NFE2L2: variants seen among roughly 807,000 people sequenced by gnomAD.
The protein encoded by NFE2L2 is NFE2 like bZIP transcription factor 2.
In NFE2L2, 20 loss-of-function variants were observed where a neutral mutation model predicts 49.6. The ratio of observed to expected loss-of-function variants is 0.40; its 90% CI spans 0.28 to 0.59. The LOEUF (loss-of-function observed/expected upper bound fraction) is 0.59, where lower values mean the gene tolerates loss of function less well. NFE2L2 is among the 20% of genes least tolerant of loss of function. NFE2L2 has a pLI of 0.40. For missense variants in NFE2L2, 578 were observed against 714.2 expected, an observed-to-expected ratio of 0.81 and a Z score of 2.17; for synonymous variants, 244 against 256.5, an observed-to-expected ratio of 0.95 and a Z score of 0.47.
Position 177,264,668 on chromosome 2 carries a change from C to A in NFE2L2, c.-92G>T. 1 of 1,163,500 alleles carries A rather than the reference C, an allele frequency of 8.6e-7. No homozygotes were observed. Among genetic ancestry groups the A allele is most frequent in the Non-Finnish European group, 1.1e-6 (1 of 912,956 alleles). 72.1% of individuals were successfully genotyped at this position (1,163,500 alleles called of 1,614,324 possible). ...GCGGACAGGGCGGCTCTGGTGGCGGCGGCGGCGGCGGTGGCGGCTGCGTCG... is the reference window on the plus strand; with the variant it reads ...GCGGACAGGGCGGCTCTGGTGGCGGAGGCGGCGGCGGTGGCGGCTGCGTCG... On this transcript the variant is annotated 5_prime_UTR_variant, in exon 1 of 5. Transcript: ENST00000397062.
At chr2:177,244,029 G>A (rs1000781093) in intron 1 of NFE2L2, among the ~76,000 whole-genome samples, 6 of 151,680 alleles carry the variant, frequency 4.0e-5, no homozygotes, top group African/African-American at 9.7e-5. Flanking sequence ...TGCTGGGTGC[G>A]GTGGCTCACG....
chr2:177,231,959 C>T lies in NFE2L2; in HGVS notation c.644G>A (p.Ser215Asn), dbSNP rs774762514. The T allele has an allele frequency of 1.7e-5, 27 of 1,613,690 alleles. No individual in the cohort carries two copies. Among genetic ancestry groups the T allele is most frequent in the Non-Finnish European group, 2.1e-5 (25 of 1,179,842 alleles). ...DKLVETTMVP[S>N]PEAKLTEVDN... ...AACTTCTGTCAGTTTGGCTTCTGGA[C>T]TTGGAACCATGGTAGTCTCAACCAG... is the stretch of plus-strand genomic sequence containing the variant. The change falls in exon 5 of 5, where the codon AGT (serine) becomes AAT (asparagine). Residue 215 changes from serine to asparagine, a missense_variant. Physicochemically the swap from Ser to Asn is conservative, Grantham distance 46. Transcript: ENST00000397062.
chr2:177,252,490 G>A (rs1458325337), intron 1 of NFE2L2, among the ~76,000 whole-genome samples: 1 of 152,218 alleles, frequency 6.6e-6, no homozygotes, highest in Non-Finnish European at 1.5e-5. Flanking sequence ...GCAAGGATCA[G>A]ACTGTTAGAA....
In NFE2L2 at chr2:177,264,519, G is replaced by A; in HGVS notation, c.45+13C>T. 5.2e-6 allele frequency: 8 copies of A among 1,525,008 alleles called. No individual in the cohort carries two copies. The highest frequency in any genetic ancestry group is 2.1e-5 in the Admixed American group (1 of 48,662). The allele number at this position is 1,525,008 out of a possible 1,614,324, so 94.5% of individuals were successfully genotyped here. Reference sequence around the variant, plus strand: ...CCGGCACCACCGCAGGGCCCAGAGGGCCGAGGCAGCACCTGCTGGGACGGG... The same window carrying A: ...CCGGCACCACCGCAGGGCCCAGAGGACCGAGGCAGCACCTGCTGGGACGGG... On this transcript the variant is annotated intron_variant, in intron 1 of 4. Transcript: ENST00000397062.
At chr2:177,235,454 T>TA (rs1269589565) in intron 1 of NFE2L2, among the ~76,000 whole-genome samples, 1 of 151,580 alleles carries the variant, frequency 6.6e-6, no homozygotes, top group Non-Finnish European at 1.5e-5. Context: ...AATAAATAAA[T>TA]AAATAAAACT....
Position 177,231,443 on chromosome 2 carries a change from C to T in NFE2L2, c.1160G>A (p.Ser387Asn), listed in dbSNP as rs201214197. The T allele has an allele frequency of 8.7e-6, 14 of 1,614,256 alleles. No individual in the cohort carries two copies. Among genetic ancestry groups the T allele is most frequent in the Non-Finnish European group, 1.1e-5 (13 of 1,180,028 alleles). ...EVEELDSAPG[S>N]VKQNGPKTPV... ...TGTTTTAGGACCATTCTGTTTGACA[C>T]TTCCAGGGGCACTATCTAGCTCTTC... The change falls in exon 5 of 5, where the codon AGT (serine) becomes AAT (asparagine). Residue 387 changes from serine to asparagine, a missense_variant. Around this residue, in one of 3 missense-constraint regions of NFE2L2, gnomAD observed 368 missense variants for 384.6 expected, o/e 0.96. Coordinates refer to ENST00000397062, the MANE Select transcript of NFE2L2 (RefSeq NM_006164.5).
Position 177,251,041 on chromosome 2 carries a change from A to G in NFE2L2, c.45+13491T>C, listed in dbSNP as rs143650089. 2.8e-4 allele frequency among the ~76,000 whole-genome samples: 43 copies of G among 152,344 alleles called. No individual in the cohort carries two copies. The East Asian group carries it at 8.3e-3, about 29-fold the overall frequency. On this transcript the variant is annotated intron_variant, in intron 1 of 4. Coordinates refer to ENST00000397062, the MANE Select transcript of NFE2L2 (RefSeq NM_006164.5). Reference sequence around the variant, plus strand: ...TGACCATGAGAAGCATCTACCTTTTAGGGTTCTGGGTCTAACCAGTAAATA... The same window carrying G: ...TGACCATGAGAAGCATCTACCTTTTGGGGTTCTGGGTCTAACCAGTAAATA...
At chr2:177,237,466 T>A (rs1297222163) in intron 1 of NFE2L2, among the ~76,000 whole-genome samples, 2 of 152,282 alleles carry the variant, frequency 1.3e-5, no homozygotes, top group Non-Finnish European at 2.9e-5. Context: ...TGGACATGTT[T>A]ACCCAAAGGT....
rs144119724 is a variant in NFE2L2 at position 177,232,109 on chromosome 2, T to A, written c.595-101A>T. On this transcript the variant is annotated intron_variant, in intron 4 of 4. Transcript: ENST00000397062. ...CCTACCCACATTATCTTCAGGCTTATCTCTATAATTTATTATCTATAATTC... is the reference window on the plus strand; with the variant it reads ...CCTACCCACATTATCTTCAGGCTTAACTCTATAATTTATTATCTATAATTC... 226 of 1,151,632 alleles carry A rather than the reference T, an allele frequency of 2.0e-4. No homozygotes were observed. In the East Asian group the frequency reaches 5.2e-3, roughly 26 times the overall value. The allele number at this position is 1,151,632 out of a possible 1,614,324, so 71.3% of individuals were successfully genotyped here.
At chr2:177,244,509 A>C (rs1225446953) in intron 1 of NFE2L2, among the ~76,000 whole-genome samples, 2 of 152,188 alleles carry the variant, frequency 1.3e-5, no homozygotes, top group African/African-American at 4.8e-5. Context: ...AGCAAGTAGA[A>C]GCCCAGGCAG....
At chr2:177,250,827 C>A (rs1690312000) in intron 1 of NFE2L2, among the ~76,000 whole-genome samples, 1 of 152,174 alleles carries the variant, frequency 6.6e-6, no homozygotes, top group African/African-American at 2.4e-5. Flanking sequence ...TAACTGTGGC[C>A]TAGCCACCGA....
chr2:177,230,955 G>T lies in NFE2L2; in HGVS notation c.1648C>A (p.Leu550Ile). ...LKEKGENDKS[L>I]HLLKKQLSTL... is the part of the protein sequence containing the mutation. ...CTGAGTTGTTTTTTCAGTAGGTGAA[G>T]GCTTTTGTCATTTTCTCCTTTTTCT... The change falls in exon 5 of 5, where the codon CTT becomes ATT. Residue 550 changes from leucine to isoleucine, a missense_variant. By Grantham distance (5) the Leu-to-Ile change is conservative. Coordinates refer to ENST00000397062, the MANE Select transcript of NFE2L2 (RefSeq NM_006164.5). 6.2e-7 allele frequency: 1 copy of T among 1,611,228 alleles called. No individual in the cohort carries two copies. The highest frequency in any genetic ancestry group is 8.5e-7 in the Non-Finnish European group (1 of 1,179,386).
chr2:177,263,260 G>A, intron 1 of NFE2L2: 3 of 608,024 alleles, frequency 4.9e-6, no homozygotes, highest in Non-Finnish European at 6.2e-6. Flanking sequence ...AGAAGAGGGG[G>A]AACATGTTAA....
chr2:177,237,379 A>G (rs71421594), intron 1 of NFE2L2, among the ~76,000 whole-genome samples: 54 of 152,250 alleles, frequency 3.5e-4, no homozygotes, highest in Non-Finnish European at 7.1e-4. Flanking sequence ...ATACATGGCT[A>G]TCTTCTCAGG....
Position 177,264,710 on chromosome 2 carries a change from C to A in NFE2L2, c.-134G>T. 1 of 714,930 alleles carries A rather than the reference C, an allele frequency of 1.4e-6. No homozygotes were observed. The highest frequency in any genetic ancestry group is 2.0e-6 in the Non-Finnish European group (1 of 500,242). 44.3% of individuals were successfully genotyped at this position (714,930 alleles called of 1,614,324 possible). A position where few individuals can be genotyped will look rare whatever the true frequency, so the allele number is the denominator to read the frequency against. ...GCTGCGTCGGCGGCTCCTCCGGGCT[C>A]CCCGGCACTCGGTAATCGGCTACAC... On this transcript the variant is annotated 5_prime_UTR_variant, in exon 1 of 5. Coordinates refer to ENST00000397062, the MANE Select transcript of NFE2L2 (RefSeq NM_006164.5).
At chr2:177,237,448 C>G (rs1248276495) in intron 1 of NFE2L2, among the ~76,000 whole-genome samples, 1 of 152,224 alleles carries the variant, frequency 6.6e-6, no homozygotes, top group Non-Finnish European at 1.5e-5. Flanking sequence ...GATTTGTTTC[C>G]ATTCTGATGG....
chr2:177,249,442 T>C (rs879551553), intron 1 of NFE2L2, among the ~76,000 whole-genome samples: 26 of 152,176 alleles, frequency 1.7e-4, no homozygotes, highest in Non-Finnish European at 2.9e-4. Context: ...GGAGCTGGAT[T>C]AGGTGACCCC....
In NFE2L2 at chr2:177,250,463, G is replaced by A. The variant is rs2105481123; in HGVS notation, c.45+14069C>T. 1.3e-5 allele frequency among the ~76,000 whole-genome samples: 2 copies of A among 152,292 alleles called. 1 individual carries two copies. Among genetic ancestry groups the A allele is most frequent in the South Asian group, 4.1e-4 (2 of 4,824 alleles). On this transcript the variant is annotated intron_variant, in intron 1 of 4. Transcript: ENST00000397062. ...CCCAGATAAAGACAAGTATGATATA[G>A]TCTAAGTAGTAACATAATGGCCACC...
chr2:177,257,020 CCA>C (rs1346243023), intron 1 of NFE2L2, among the ~76,000 whole-genome samples: 1 of 152,226 alleles, frequency 6.6e-6, no homozygotes, highest in African/African-American at 2.4e-5. Flanking sequence ...GAAGTTAGCC[CCA>C]GTTTCCAAAT....
Sources: gnomAD v4.1 joint callset for allele counts (sites outside exome capture counted in the v4.1 genomes callset) on GRCh38, gnomAD v4.1.1 for gene constraint, gnomAD v4.1.1 regional missense constraint, MANE v1.5 for transcripts, NCBI Gene and HGNC (gene_info 2026-07-23, HGNC 2026-07-21) for gene names.